LARGE1: variants seen among roughly 807,000 people sequenced by gnomAD.
LARGE1 encodes LARGE xylosyl- and glucuronyltransferase 1, also known as xylosyl- and glucuronyltransferase LARGE1.
A neutral mutation model predicts 87.6 loss-of-function variants in LARGE1; 43 were observed. The observed-to-expected ratio is 0.49, with a 90% CI of 0.38 to 0.63. LARGE1 has a LOEUF of 0.63. Among genes scored for constraint, LARGE1 ranks in the 30% least tolerant of loss-of-function variants. LARGE1 has a pLI of 0.00. For missense variants in LARGE1, 802 were observed against 1,000.2 expected (o/e 0.80, Z 2.67); for synonymous variants, 434 against 394.6 (o/e 1.10, Z -1.18).
chr22:33,377,277 A>G (rs1175425431), intron 9 of LARGE1, among the ~76,000 whole-genome samples: 1 of 152,212 alleles, frequency 6.6e-6, no homozygotes, highest in Non-Finnish European at 1.5e-5. Flanking sequence ...CTTTACACAC[A>G]CAAAATAAAA....
the LARGE1 span, among the ~76,000 whole-genome samples, chr22:33,113,009 C>G: frequency 6.6e-6 from 1 of 152,104 alleles, no homozygotes; most frequent in South Asian, 2.1e-4. Context: ...CTATTAAATG[C>G]ATTCAAGTCT....
At chr22:33,268,078 C>T (rs1163006466), downstream of LARGE1, among the ~76,000 whole-genome samples, 4 of 151,220 alleles carry the variant, frequency 2.6e-5, no homozygotes, top group African/African-American at 7.4e-5. Context: ...CTCAGCCTCC[C>T]GAGTAGCTGG....
chr22:33,429,638 A>G (rs1220519544), intron 7 of LARGE1, among the ~76,000 whole-genome samples: 2 of 152,196 alleles, frequency 1.3e-5, no homozygotes, highest in Non-Finnish European at 2.9e-5. Context: ...GCACTGCAGT[A>G]TATTTCTATG....
intron 10 of LARGE1, among the ~76,000 whole-genome samples, chr22:33,329,931 T>C (rs951159278): frequency 7.2e-5 from 11 of 152,060 alleles, no homozygotes; most frequent in African/African-American, 2.7e-4. Flanking sequence ...AAACTTTCTA[T>C]GCTATCTTCT....
At chr22:33,418,536 T>G (rs2066581277) in intron 7 of LARGE1, among the ~76,000 whole-genome samples, 1 of 152,164 alleles carries the variant, frequency 6.6e-6, no homozygotes, top group Non-Finnish European at 1.5e-5. Flanking sequence ...ACTGCCGCTT[T>G]GAATAGGATG....
At chr22:33,256,690 C>A (rs1447908667) in intron 11 of LARGE1, among the ~76,000 whole-genome samples, 4 of 152,200 alleles carry the variant, frequency 2.6e-5, no homozygotes, top group Non-Finnish European at 5.9e-5. Flanking sequence ...AGGCACTATG[C>A]TAAGGATGTT....
At chr22:33,362,335 TG>T (rs1379827978) in intron 9 of LARGE1, among the ~76,000 whole-genome samples, 2 of 149,792 alleles carry the variant, frequency 1.3e-5, no homozygotes, top group African/African-American at 4.9e-5. Flanking sequence ...ATAATGTAAC[TG>T]AACCTGGGAG....
At chr22:33,074,385 A>T in the LARGE1 span, among the ~76,000 whole-genome samples, 2 of 152,110 alleles carry the variant, frequency 1.3e-5, no homozygotes, top group East Asian at 3.9e-4. Flanking sequence ...TGTAAAAGTC[A>T]TTGTTCCGGC....
chr22:33,556,528 GA>G (rs2077684708), intron 6 of LARGE1, among the ~76,000 whole-genome samples: 1 of 75,474 alleles, frequency 1.3e-5, no homozygotes, highest in Non-Finnish European at 2.8e-5. Context: ...GGGAGGGAGG[GA>G]GGGAGGGAAG....
chr22:33,865,835 T>C (rs1431980306), intron 1 of LARGE1, among the ~76,000 whole-genome samples: 3 of 39,776 alleles, frequency 7.5e-5, no homozygotes, highest in African/African-American at 1.1e-4. Context: ...TGTTATTCTT[T>C]TTTTTTTTTT....
chr22:33,550,529 A>G (rs1276998807), intron 6 of LARGE1, among the ~76,000 whole-genome samples: 1 of 152,238 alleles, frequency 6.6e-6, no homozygotes, highest in Non-Finnish European at 1.5e-5. Flanking sequence ...CTCAGTCAGA[A>G]TGGCCATTAT....
At chr22:33,321,881 C>T (rs528041937) in intron 10 of LARGE1, among the ~76,000 whole-genome samples, 31 of 152,204 alleles carry the variant, frequency 2.0e-4, no homozygotes, top group South Asian at 1.9e-3. Flanking sequence ...TACAGTGGCA[C>T]GATCTCGGCT....
intron 10 of LARGE1, among the ~76,000 whole-genome samples, chr22:33,331,350 C>T (rs1363121428): frequency 1.3e-5 from 2 of 151,870 alleles, no homozygotes; most frequent in African/African-American, 2.4e-5. Flanking sequence ...TAAAATAATG[C>T]AAAAATTAAC....
intron 3 of LARGE1, among the ~76,000 whole-genome samples, chr22:33,632,504 A>C (rs993008751): frequency 2.0e-5 from 3 of 151,922 alleles, no homozygotes; most frequent in Non-Finnish European, 4.4e-5. Context: ...GGGAGGCACC[A>C]GTGGGGGTCT....
At chr22:33,174,277 T>C (rs2090328761) in intron 11 of LARGE1, among the ~76,000 whole-genome samples, 1 of 152,124 alleles carries the variant, frequency 6.6e-6, no homozygotes. Flanking sequence ...GAAATAAAGA[T>C]GTTCTTTGAA....
At chr22:33,384,084 TCAC>T in intron 8 of LARGE1, 105 bp downstream of exon 8, 1 of 843,262 alleles carries the variant, frequency 1.2e-6, no homozygotes, top group African/African-American at 1.7e-5. Context: ...GCACACAGAG[TCAC>T]ACAATACGTA....
intron 3 of LARGE1, among the ~76,000 whole-genome samples, chr22:33,628,919 C>T (rs1002042440): frequency 6.6e-6 from 1 of 152,108 alleles, no homozygotes; most frequent in Non-Finnish European, 1.5e-5. Context: ...CTCAGCATCC[C>T]ACAATGCACA....
intron 2 of LARGE1, among the ~76,000 whole-genome samples, chr22:33,747,208 G>A (rs762959591): frequency 3.9e-5 from 6 of 152,096 alleles, no homozygotes; most frequent in South Asian, 2.1e-4. Flanking sequence ...TAAGCTTCCC[G>A]AGGAGAGGAG....
At chr22:33,196,398 A>G (rs137430) in intron 11 of LARGE1, among the ~76,000 whole-genome samples, 98,961 of 151,920 alleles carry the variant, frequency 0.65, 32,932 homozygotes, top group African/African-American at 0.77. Context: ...TAGTAAGTTA[A>G]ATGAAATGGG....
Sources: gnomAD v4.1 joint callset for allele counts (sites outside exome capture counted in the v4.1 genomes callset) on GRCh38, gnomAD v4.1.1 for gene constraint, MANE v1.5 for transcripts, NCBI Gene and HGNC (gene_info 2026-07-23, HGNC 2026-07-21) for gene names.